The following ANKH variants were observed in gnomAD, a reference collection of about 807,000 sequenced individuals.
ANKH encodes ANKH inorganic pyrophosphate transport regulator.
In ANKH, 15 loss-of-function variants were observed where a neutral mutation model predicts 49.0. The observed-to-expected ratio is 0.31, with a 90% confidence interval of 0.20 to 0.47. ANKH has a LOEUF of 0.47. ANKH is among the 20% of genes least tolerant of loss of function. The probability of loss-of-function intolerance (pLI) is 1.00; values close to 1 mark genes in which losing one functional copy is unlikely to be tolerated. For synonymous variants in ANKH, 273 were observed against 260.0 expected, an observed-to-expected ratio of 1.05 and a Z score of -0.48; for missense variants, 429 against 652.0, an observed-to-expected ratio of 0.66 and a Z score of 3.72.
At chr5:14,792,995 TATATATATATAA>T (rs1161129640) in intron 1 of ANKH, among the ~76,000 whole-genome samples, 4 of 77,142 alleles carry the variant, frequency 5.2e-5, no homozygotes, top group Admixed American at 3.1e-4. Flanking sequence ...TATAAAAATA[TATATATATATAA>T]ATATATATAT....
At chr5:14,799,796 T>C (rs1228552322) in intron 1 of ANKH, among the ~76,000 whole-genome samples, 1 of 152,202 alleles carries the variant, frequency 6.6e-6, no homozygotes, top group African/African-American at 2.4e-5. Context: ...ATTTATGTTG[T>C]TTTCATGACT....
intron 1 of ANKH, among the ~76,000 whole-genome samples, chr5:14,850,651 C>T (rs17266101): frequency 0.35 from 52,975 of 152,086 alleles, 9,287 homozygotes; most frequent in Admixed American, 0.4. Flanking sequence ...GGGTGAATGC[C>T]GTGATGCACT....
chr5:14,827,539 G>C (rs2126594063), intron 1 of ANKH, among the ~76,000 whole-genome samples: 1 of 152,184 alleles, frequency 6.6e-6, no homozygotes, highest in East Asian at 1.9e-4. Flanking sequence ...GAAGGCTGTG[G>C]CTGTCAATAA....
intron 8 of ANKH, among the ~76,000 whole-genome samples, chr5:14,729,244 G>T (rs748697874): frequency 1.3e-5 from 2 of 151,982 alleles, no homozygotes; most frequent in Non-Finnish European, 2.9e-5. Flanking sequence ...GTAGAGACGG[G>T]GTTTCTCCAT....
At chr5:14,762,973 C>T (rs1448822037) in intron 2 of ANKH, among the ~76,000 whole-genome samples, 2 of 152,304 alleles carry the variant, frequency 1.3e-5, no homozygotes, top group South Asian at 2.1e-4. Flanking sequence ...CTGACTTGAC[C>T]TGTTTACAGG....
chr5:14,744,927 G>A (rs555922917), intron 7 of ANKH, among the ~76,000 whole-genome samples: 2 of 152,302 alleles, frequency 1.3e-5, no homozygotes, highest in East Asian at 1.9e-4. Context: ...GGCCGGCGGT[G>A]GGGGAAAGAG....
chr5:14,776,110 G>A (rs1404563201), intron 1 of ANKH, among the ~76,000 whole-genome samples: 1 of 152,228 alleles, frequency 6.6e-6, no homozygotes, highest in East Asian at 1.9e-4. Flanking sequence ...TGTGGGCAGG[G>A]GGCCGCCCCC....
chr5:14,847,020 A>C (rs991923135), intron 1 of ANKH, among the ~76,000 whole-genome samples: 8 of 151,798 alleles, frequency 5.3e-5, no homozygotes, highest in African/African-American at 9.7e-5. Context: ...AAAAAAAAAA[A>C]AACAATGAAA....
rs1408584444 is a variant in ANKH, at chr5:14,710,883, T to C, written c.*314A>G. On this transcript the variant is annotated 3_prime_UTR_variant, in exon 12 of 12. Coordinates refer to ENST00000284268, the MANE Select transcript of ANKH (RefSeq NM_054027.6). ...GCAGTCCTTTGGTTCCAAGAGGAGATTGTCCAGGGGAGGAGGACACAACGT... is the reference window on the plus strand; with the variant it reads ...GCAGTCCTTTGGTTCCAAGAGGAGACTGTCCAGGGGAGGAGGACACAACGT... 1.6e-5 allele frequency: 6 copies of C among 378,668 alleles called. No individual in the cohort carries two copies. The highest frequency in any genetic ancestry group is 6.3e-5 in the African/African-American group (3 of 47,746). The allele number at this position is 378,668 out of a possible 1,614,324, so 23.5% of individuals were successfully genotyped here.
intron 1 of ANKH, among the ~76,000 whole-genome samples, chr5:14,776,788 C>A (rs17251763): frequency 6.6e-6 from 1 of 152,064 alleles, no homozygotes; most frequent in Non-Finnish European, 1.5e-5. Flanking sequence ...TGTTTAAAGG[C>A]GAGTCTCTAA....
At chr5:14,783,205 C>T (rs1360328902) in intron 1 of ANKH, among the ~76,000 whole-genome samples, 1 of 150,882 alleles carries the variant, frequency 6.6e-6, no homozygotes, top group Non-Finnish European at 1.5e-5. Context: ...TCTCACTGAG[C>T]CATTTGTTAG....
intron 2 of ANKH, among the ~76,000 whole-genome samples, chr5:14,765,601 G>T (rs1739234945): frequency 6.6e-6 from 1 of 151,566 alleles, no homozygotes; most frequent in South Asian, 2.1e-4. Flanking sequence ...TCAATAGCGG[G>T]GTCAAGAAAA....
At chr5:14,852,132 A>G (rs80223361) in intron 1 of ANKH, among the ~76,000 whole-genome samples, 1 of 152,124 alleles carries the variant, frequency 6.6e-6, no homozygotes, top group Non-Finnish European at 1.5e-5. Context: ...AACTTTAAAA[A>G]TTATCCATGA....
In ANKH at chr5:14,793,040, A is replaced by T. The variant is rs1315010107; in HGVS notation, c.97-23849T>A. On this transcript the variant is annotated intron_variant, in intron 1 of 11. Transcript: ENST00000284268. ...TATATAAATATATATATATAAAAATATATATATAAATATATATAAAATATA... is the reference window on the plus strand; with the variant it reads ...TATATAAATATATATATATAAAAATTTATATATAAATATATATAAAATATA... Among the ~76,000 whole-genome samples the T allele has an allele frequency of 2.7e-3, 125 of 46,036 alleles. 2 individuals are homozygous for T. The highest frequency in any genetic ancestry group is 9.8e-3 in the African/African-American group (120 of 12,220). The allele number at this position is 46,036 out of a possible 152,430, so 30.2% of individuals were successfully genotyped here.
rs777058473 is a variant in ANKH at position 14,871,349 on chromosome 5, T to C, written c.96+3A>G. On this transcript the variant is annotated splice_donor_region_variant and intron_variant, in intron 1 of 11. Transcript: ENST00000284268. ...GGGCGTGGGGCGCGGGGCCGGGGCT[T>C]ACCTGCTCCCCGAAGTCGATGGCTA... is the stretch of plus-strand genomic sequence containing the variant. 9.9e-6 allele frequency: 16 copies of C among 1,608,650 alleles called. No homozygotes were observed. The highest frequency in any genetic ancestry group is 1.4e-5 in the Non-Finnish European group (16 of 1,176,862).
At chr5:14,811,224 T>C (rs192769714) in intron 1 of ANKH, among the ~76,000 whole-genome samples, 1 of 148,814 alleles carries the variant, frequency 6.7e-6, no homozygotes, top group Non-Finnish European at 1.5e-5. Context: ...AGCCGCTTCA[T>C]ATTCCTTCAT....
At chr5:14,818,829 G>C (rs184707428) in intron 1 of ANKH, among the ~76,000 whole-genome samples, 2 of 152,090 alleles carry the variant, frequency 1.3e-5, no homozygotes, top group East Asian at 3.9e-4. Context: ...CGTTCTGGTC[G>C]CCGACTCTTT....
intron 1 of ANKH, among the ~76,000 whole-genome samples, chr5:14,820,873 G>A (rs751492123): frequency 3.3e-5 from 5 of 152,276 alleles, no homozygotes; most frequent in East Asian, 1.9e-4. Flanking sequence ...CAAGGCAGGC[G>A]GATCTCTTAA....
intron 1 of ANKH, among the ~76,000 whole-genome samples, chr5:14,778,648 T>C (rs1338241384): frequency 2.0e-5 from 3 of 152,168 alleles, no homozygotes; most frequent in Non-Finnish European, 1.5e-5. Context: ...CTCTCTCGAC[T>C]CCCCACTTTC....
Sources: gnomAD v4.1 joint callset for allele counts (sites outside exome capture counted in the v4.1 genomes callset) on GRCh38, gnomAD v4.1.1 for gene constraint, MANE v1.5 for transcripts, NCBI Gene and HGNC (gene_info 2026-07-23, HGNC 2026-07-21) for gene names.